Variants in TMEM255B observed in about 807,000 individuals in gnomAD.
The protein encoded by TMEM255B is family with sequence similarity 70, member B.
TMEM255B carries 35 observed loss-of-function variants against 34.5 expected under a neutral mutation model. That is an observed-to-expected ratio of 1.01 (90% CI 0.77 to 1.34). TMEM255B has a LOEUF of 1.34. Among genes scored for constraint, TMEM255B ranks in the 40% most tolerant of loss-of-function variants. The pLI is 0.00. For synonymous variants in TMEM255B, 206 were observed against 201.2 expected, an observed-to-expected ratio of 1.02 and a Z score of -0.20; for missense variants, 432 against 433.2, an observed-to-expected ratio of 1.00 and a Z score of 0.02.
chr13:113,778,891 A>G (rs1375454135), intron 3 of TMEM255B, among the ~76,000 whole-genome samples: 1 of 152,236 alleles, frequency 6.6e-6, no homozygotes, highest in Non-Finnish European at 1.5e-5. Flanking sequence ...CACTGGCTGT[A>G]AGAGTTGAAG....
chr13:113,792,040 C>G (rs978077449), intron 3 of TMEM255B, among the ~76,000 whole-genome samples: 1 of 152,226 alleles, frequency 6.6e-6, no homozygotes, highest in Non-Finnish European at 1.5e-5. Flanking sequence ...GGACGCGGCC[C>G]CGCTGGAGGC....
rs146008671 is a variant in TMEM255B at position 113,763,966 on chromosome 13, C to A, written c.47-2149C>A. Among the ~76,000 whole-genome samples the A allele has an allele frequency of 3.7e-4, 57 of 152,348 alleles. No individual in the cohort carries two copies. In the East Asian group the frequency reaches 9.9e-3, roughly 26 times the overall value. On this transcript the variant is annotated intron_variant, in intron 1 of 8. Transcript: ENST00000375353. ...GGCGGAGCTGGAGGAGGCCTTGGGC[C>A]GTGTGTTCCGGCTGGCAGGTGCAGC... is the stretch of plus-strand genomic sequence containing the variant.
chr13:113,780,498 G>C (rs971821335), intron 3 of TMEM255B, among the ~76,000 whole-genome samples: 1 of 152,186 alleles, frequency 6.6e-6, no homozygotes, highest in Non-Finnish European at 1.5e-5. Context: ...TCAATAGCTC[G>C]CAAGACGTTT....
rs137872154 is a variant in TMEM255B, at chr13:113,766,632, A to G, written c.189+375A>G. On this transcript the variant is annotated intron_variant, in intron 2 of 8. Transcript: ENST00000375353. The stretch of plus-strand genomic sequence containing the variant: ...GGGCCAGGAGCCCAGGATGTCCAAA[A>G]AGGCCGGACAGAGCCTCCCCAAGCA... 8.0e-3 allele frequency among the ~76,000 whole-genome samples: 1,218 copies of G among 152,310 alleles called. 49 individuals are homozygous for G. Among genetic ancestry groups the G allele is most frequent in the Admixed American group, 0.07 (1,064 of 15,300 alleles).
rs2051312660 is a variant in TMEM255B at position 113,811,729 on chromosome 13, A to AT, written c.814-5dup. 2 of 1,613,154 alleles carry AT rather than the reference A, an allele frequency of 1.2e-6. No homozygotes were observed. The highest frequency in any genetic ancestry group is 2.7e-5 in the African/African-American group (2 of 74,758). ...TGCTAACCCAGGGCCCTCTCTGTTT[A>AT]TTGCAGCCCTGCAGCCGCTTCCCAG... On this transcript the variant is annotated splice_region_variant and splice_polypyrimidine_tract_variant and intron_variant, in intron 8 of 8. Coordinates refer to ENST00000375353, the MANE Select transcript of TMEM255B (RefSeq NM_182614.4).
At position 113,811,933 on chromosome 13, in the gene TMEM255B, T is replaced by G. The variant is rs1314289008; in HGVS notation, c.*30T>G. On this transcript the variant is annotated 3_prime_UTR_variant, in exon 9 of 9. Coordinates refer to ENST00000375353, the MANE Select transcript of TMEM255B (RefSeq NM_182614.4). ...GGCGTGGAGTAAAAGATAACTTGTTTGTTTTTTTTTTTAAAAAAAAGGCAG... is the reference window on the plus strand; with the variant it reads ...GGCGTGGAGTAAAAGATAACTTGTTGGTTTTTTTTTTTAAAAAAAAGGCAG... 2 of 1,538,226 alleles carry G rather than the reference T, an allele frequency of 1.3e-6. No homozygotes were observed. The highest frequency in any genetic ancestry group is 1.5e-5 in the African/African-American group (1 of 68,750).
chr13:113,798,347 A>G (rs1285140157), intron 4 of TMEM255B, among the ~76,000 whole-genome samples: 2 of 151,096 alleles, frequency 1.3e-5, no homozygotes, highest in Non-Finnish European at 2.9e-5. Context: ...GGGTGAATGG[A>G]TGGATGTGGA....
Position 113,812,929 on chromosome 13 carries a change from C to G in TMEM255B, c.*1026C>G, listed in dbSNP as rs2051348702. On this transcript the variant is annotated 3_prime_UTR_variant, in exon 9 of 9. Transcript: ENST00000375353. Reference sequence around the variant, plus strand: ...CACAGGCCCCGGGTGAGTCACGGGTCCCGGGTGGGTCACGGGTCCCGGGTG... The same window carrying G: ...CACAGGCCCCGGGTGAGTCACGGGTGCCGGGTGGGTCACGGGTCCCGGGTG... 6.9e-6 allele frequency: 1 copy of G among 143,950 alleles called. No homozygotes were observed. The highest frequency in any genetic ancestry group is 1.5e-5 in the Non-Finnish European group (1 of 67,054). 8.9% of individuals were successfully genotyped at this position (143,950 alleles called of 1,614,324 possible).
rs117233761 is a variant in TMEM255B at position 113,768,133 on chromosome 13, G to A, written c.190-965G>A. On this transcript the variant is annotated intron_variant, in intron 2 of 8. Coordinates refer to ENST00000375353, the MANE Select transcript of TMEM255B (RefSeq NM_182614.4). ...CAGCAACTCCAAGGCTGTGCCGGGCGGGCCACCCCTTCCAACAGACACTCA... is the reference window on the plus strand; with the variant it reads ...CAGCAACTCCAAGGCTGTGCCGGGCAGGCCACCCCTTCCAACAGACACTCA... 253 of 458,078 alleles carry A rather than the reference G, an allele frequency of 5.5e-4. 1 individual carries two copies. The East Asian group carries it at 6.4e-3, about 12-fold the overall frequency. The allele number at this position is 458,078 out of a possible 1,614,324, so 28.4% of individuals were successfully genotyped here. A position where few individuals can be genotyped will look rare whatever the true frequency, so the allele number is the denominator to read the frequency against.
At position 113,759,300 on chromosome 13, in the gene TMEM255B, C is replaced by T; in HGVS notation, c.31C>T (p.Leu11=). The T allele has an allele frequency of 1.6e-6, 2 of 1,229,448 alleles. No individual in the cohort carries two copies. Among genetic ancestry groups the T allele is most frequent in the Non-Finnish European group, 2.0e-6 (2 of 986,446 alleles). 76.2% of individuals were successfully genotyped at this position (1,229,448 alleles called of 1,614,324 possible). A position where few individuals can be genotyped will look rare whatever the true frequency, so the allele number is the denominator to read the frequency against. The change falls in exon 1 of 9, where the codon CTG becomes TTG. Residue 11 remains leucine, a synonymous_variant. Coordinates refer to ENST00000375353, the MANE Select transcript of TMEM255B (RefSeq NM_182614.4). The stretch of plus-strand genomic sequence containing the variant: ...GCCGCCGGTGCCCGGGCCCCTGGGC[C>T]TGCTGGACCCCGCAGGTGAGCGCGG... The part of the protein sequence containing the change: MQPPVPGPLG[L]LDPAEGLSRR...
chr13:113,785,145 TAGTC>T (rs1040360521), intron 3 of TMEM255B, among the ~76,000 whole-genome samples: 7 of 152,242 alleles, frequency 4.6e-5, no homozygotes, highest in African/African-American at 1.2e-4. Context: ...ATGCTGACAT[TAGTC>T]AGTAAGTTGA....
intron 3 of TMEM255B, among the ~76,000 whole-genome samples, chr13:113,789,325 A>G (rs577456477): frequency 1.3e-5 from 2 of 152,288 alleles, no homozygotes; most frequent in South Asian, 4.1e-4. Context: ...GCAGGGACAG[A>G]GTTTCTCCTG....
chr13:113,802,191 C>T (rs2138576155), intron 7 of TMEM255B, among the ~76,000 whole-genome samples: 1 of 152,304 alleles, frequency 6.6e-6, no homozygotes, highest in East Asian at 1.9e-4. Flanking sequence ...CTTAGCAAAC[C>T]CCAGAGGCGA....
At chr13:113,763,976 G>A (rs551565198) in intron 1 of TMEM255B, among the ~76,000 whole-genome samples, 26 of 152,336 alleles carry the variant, frequency 1.7e-4, no homozygotes, top group African/African-American at 6.0e-4. Context: ...CGTGTGTTCC[G>A]GCTGGCAGGT....
rs2051349572 is a variant in TMEM255B at position 113,812,939 on chromosome 13, T to G, written c.*1036T>G. 1 of 126,170 alleles carries G rather than the reference T, an allele frequency of 7.9e-6. No homozygotes were observed. The highest frequency in any genetic ancestry group is 1.6e-5 in the Non-Finnish European group (1 of 61,648). The allele number at this position is 126,170 out of a possible 1,614,324, so 7.8% of individuals were successfully genotyped here. On this transcript the variant is annotated 3_prime_UTR_variant, in exon 9 of 9. Coordinates refer to ENST00000375353, the MANE Select transcript of TMEM255B (RefSeq NM_182614.4). ...GGGTGAGTCACGGGTCCCGGGTGGGTCACGGGTCCCGGGTGGGTCACGGGC... is the reference window on the plus strand; with the variant it reads ...GGGTGAGTCACGGGTCCCGGGTGGGGCACGGGTCCCGGGTGGGTCACGGGC...
chr13:113,780,707 T>C (rs953947661), intron 3 of TMEM255B, among the ~76,000 whole-genome samples: 40 of 152,200 alleles, frequency 2.6e-4, no homozygotes, highest in Non-Finnish European at 5.3e-4. Flanking sequence ...ATCAGAAACC[T>C]GTATTGAAGA....
At chr13:113,784,771 G>A (rs1256913710) in intron 3 of TMEM255B, among the ~76,000 whole-genome samples, 22 of 151,954 alleles carry the variant, frequency 1.4e-4, no homozygotes, top group Admixed American at 1.4e-3. Context: ...CAAGGCAGGT[G>A]GCTAGAGGCC....
intron 3 of TMEM255B, among the ~76,000 whole-genome samples, chr13:113,791,620 G>A (rs1189556383): frequency 6.6e-6 from 1 of 152,226 alleles, no homozygotes; most frequent in Non-Finnish European, 1.5e-5. Flanking sequence ...AGCGAAAGAT[G>A]TTTAGAGCCC....
At position 113,813,035 on chromosome 13, in the gene TMEM255B, GC is replaced by G. The variant is rs2051358833; in HGVS notation, c.*1133del. 6.6e-6 allele frequency: 1 copy of G among 150,714 alleles called. No homozygotes were observed. The highest frequency in any genetic ancestry group is 2.5e-5 in the African/African-American group (1 of 40,568). The allele number at this position is 150,714 out of a possible 1,614,324, so 9.3% of individuals were successfully genotyped here. Reference sequence around the variant, plus strand: ...GTCACGGGTCCCGGGTGGGTCACAGGCGCCCCAGTGACAGGAGTTCAGGATG... The same window carrying G: ...GTCACGGGTCCCGGGTGGGTCACAGGGCCCCAGTGACAGGAGTTCAGGATG... On this transcript the variant is annotated 3_prime_UTR_variant, in exon 9 of 9. Transcript: ENST00000375353.
Sources: gnomAD v4.1 joint callset for allele counts (sites outside exome capture counted in the v4.1 genomes callset) on GRCh38, gnomAD v4.1.1 for gene constraint, MANE v1.5 for transcripts, NCBI Gene and HGNC (gene_info 2026-07-23, HGNC 2026-07-21) for gene names.